Variants in ESR1 observed in about 807,000 individuals in gnomAD.
ESR1 encodes the protein estrogen receptor.
ESR1 carries 12 observed loss-of-function variants against 52.7 expected under a neutral mutation model. That is an observed-to-expected ratio of 0.23 (90% CI 0.15 to 0.37). ESR1 has a LOEUF of 0.37. ESR1 is among the 10% of genes least tolerant of loss of function. ESR1 has a pLI of 1.00. For synonymous variants in ESR1, 305 were observed against 316.8 expected (o/e 0.96, Z 0.39); for missense variants, 584 against 779.7 (o/e 0.75, Z 2.99).
chr6:152,069,621 T>C (rs2048224632), intron 6 of ESR1, among the ~76,000 whole-genome samples: 1 of 135,816 alleles, frequency 7.4e-6, no homozygotes, highest in Admixed American at 6.8e-5. Context: ...ATGAAACTGA[T>C]CCACCTCAGA....
intron 1 of ESR1, among the ~76,000 whole-genome samples, chr6:151,658,778 G>A (rs192099989): frequency 6.6e-6 from 1 of 152,278 alleles, no homozygotes; most frequent in African/African-American, 2.4e-5. Context: ...ACACACCTGA[G>A]GGAAGAGAGT....
At chr6:151,867,275 T>G (rs1790085012) in intron 2 of ESR1, among the ~76,000 whole-genome samples, 1 of 152,074 alleles carries the variant, frequency 6.6e-6, no homozygotes, top group Non-Finnish European at 1.5e-5. Context: ...GGGATCTAAT[T>G]AAACTAAAGA....
chr6:151,781,802 CACA>C (rs1786567493), intron 2 of ESR1, among the ~76,000 whole-genome samples: 4 of 109,922 alleles, frequency 3.6e-5, no homozygotes, highest in African/African-American at 3.5e-5. Context: ...AAGTATTGTG[CACA>C]AAAAAAAAAA....
At chr6:151,971,418 C>T (rs2038898329) in intron 4 of ESR1, among the ~76,000 whole-genome samples, 1 of 152,054 alleles carries the variant, frequency 6.6e-6, no homozygotes, top group Non-Finnish European at 1.5e-5. Context: ...AGCTTAGCTC[C>T]CACTTATGAG....
intron 2 of ESR1, among the ~76,000 whole-genome samples, chr6:151,858,316 C>G (rs1412486989): frequency 6.6e-6 from 1 of 152,176 alleles, no homozygotes; most frequent in Non-Finnish European, 1.5e-5. Flanking sequence ...GCCTGACCAG[C>G]AAGGGTAAAA....
intron 5 of ESR1, 33 bp from the exon 6 acceptor site, chr6:152,060,954 TTTTA>T: frequency 4.3e-5 from 64 of 1,505,246 alleles, no homozygotes; most frequent in Middle Eastern, 1.9e-4. Context: ...TTTTTAATCT[TTTTA>T]TTTATTTATT....
At chr6:151,713,447 G>A (rs1163712595) in intron 2 of ESR1, among the ~76,000 whole-genome samples, 3 of 152,106 alleles carry the variant, frequency 2.0e-5, no homozygotes, top group South Asian at 2.1e-4. Flanking sequence ...GGTAGAATTC[G>A]GATGTGAATC....
chr6:152,009,026 T>C (rs2042557334), intron 4 of ESR1, among the ~76,000 whole-genome samples: 1 of 152,074 alleles, frequency 6.6e-6, no homozygotes. Context: ...AGATGTTTCC[T>C]TGAGAGCAAG....
chr6:151,744,439 T>C (rs761227658), intron 2 of ESR1, among the ~76,000 whole-genome samples: 21 of 152,246 alleles, frequency 1.4e-4, no homozygotes, highest in Non-Finnish European at 2.5e-4. Flanking sequence ...TATCTTGTTA[T>C]AGTTTTGATT....
intron 7 of ESR1, among the ~76,000 whole-genome samples, chr6:152,096,882 G>A (rs1024614438): frequency 2.0e-5 from 3 of 152,130 alleles, no homozygotes; most frequent in South Asian, 2.1e-4. Flanking sequence ...TGGGAATTTC[G>A]GTGATGTTGT....
intron 3 of ESR1, among the ~76,000 whole-genome samples, chr6:151,896,226 C>T (rs1464455486): frequency 6.6e-6 from 1 of 152,112 alleles, no homozygotes; most frequent in African/African-American, 2.4e-5. Context: ...TTCCCTCTTT[C>T]TTCATCTTGT....
rs1341127696 is a variant in ESR1, at chr6:152,040,485, AT to A, written c.1236-20503del. Among the ~76,000 whole-genome samples the A allele has an allele frequency of 6.6e-5, 10 of 152,204 alleles. No individual in the cohort carries two copies. The East Asian group carries it at 7.7e-4, about 12-fold the overall frequency. ...ATCCATCCACATACCTCTTCCCCAA[AT>A]TTCATTGTCATCAGTTTTCCAATCA... On this transcript the variant is annotated intron_variant, in intron 5 of 7. Transcript: ENST00000206249.
At chr6:152,125,252 T>G in intron 6 of ESR1, 2 of 1,549,886 alleles carry the variant, frequency 1.3e-6, no homozygotes, top group Non-Finnish European at 1.7e-6. Context: ...ATTCAGGTCG[T>G]ATTCATTTCA....
At chr6:152,115,634 A>T (rs2051201403) in intron 6 of ESR1, among the ~76,000 whole-genome samples, 1 of 150,426 alleles carries the variant, frequency 6.6e-6, no homozygotes, top group African/African-American at 2.5e-5. Context: ...AAAGAACTAT[A>T]TGAAGTCAGG....
At chr6:151,850,046 T>TTGTATATATATACAAAATTA (rs1786166575) in intron 2 of ESR1, among the ~76,000 whole-genome samples, 2 of 57,454 alleles carry the variant, frequency 3.5e-5, no homozygotes, top group Non-Finnish European at 6.7e-5. Context: ...ATATATAATT[T>TTGTATATATATACAAAATTA]TATATATATA....
intron 3 of ESR1, among the ~76,000 whole-genome samples, chr6:151,884,962 C>G (rs968824131): frequency 2.6e-5 from 4 of 151,570 alleles, no homozygotes; most frequent in Non-Finnish European, 5.9e-5. Context: ...CTCTTATCAC[C>G]ATTATTATTA....
rs1472394921 is a variant in ESR1 at position 151,944,247 on chromosome 6, G to A, written c.835G>A (p.Glu279Lys). ...GAGAGATGATGGGGAGGGCAGGGGT[G>A]AAGTGGGGTCTGCTGGAGACATGAG... ...RQRDDGEGRG[E>K]VGSAGDMRAA... The change falls in exon 4 of 8, where the codon GAA becomes AAA. Residue 279 changes from glutamate to lysine, a missense_variant. This residue lies in a region of ESR1 where 88 missense variants were observed against 88.3 expected (regional missense o/e 1.00). Coordinates refer to ENST00000206249, the MANE Select transcript of ESR1 (RefSeq NM_000125.4). The A allele has an allele frequency of 6.2e-7, 1 of 1,614,180 alleles. No homozygotes were observed. Among genetic ancestry groups the A allele is most frequent in the Non-Finnish European group, 8.5e-7 (1 of 1,180,024 alleles).
intron 1 of ESR1, among the ~76,000 whole-genome samples, chr6:151,812,017 T>A (rs903535581): frequency 6.6e-6 from 1 of 152,180 alleles, no homozygotes; most frequent in African/African-American, 2.4e-5. Context: ...ATGACATTCA[T>A]AATTTGGGAA....
At chr6:151,695,335 T>G (rs576506217) in intron 1 of ESR1, among the ~76,000 whole-genome samples, 1 of 152,218 alleles carries the variant, frequency 6.6e-6, no homozygotes, top group Non-Finnish European at 1.5e-5. Context: ...CCTTTCTTGC[T>G]GCCTTGAAGA....
Sources: allele counts gnomAD v4.1 joint callset (sites outside exome capture counted in the v4.1 genomes callset), GRCh38; gene constraint gnomAD v4.1.1; regional missense constraint gnomAD v4.1.1; transcripts MANE v1.5; gene names NCBI Gene and HGNC (gene_info 2026-07-23, HGNC 2026-07-21).